Variants in CDC42EP4 observed in about 807,000 individuals in gnomAD.
The protein encoded by CDC42EP4 is CDC42 effector protein (Rho GTPase binding) 4.
Under a neutral mutation model 5.6 loss-of-function variants are expected in CDC42EP4, and 6 were observed. That is an observed-to-expected ratio of 1.07 (90% CI 0.59 to 2.12). CDC42EP4 has a LOEUF of 2.12. CDC42EP4 is among the 30% of genes most tolerant of loss of function. The probability of loss-of-function intolerance (pLI) is 0.00; values close to 1 mark genes in which losing one functional copy is unlikely to be tolerated. For synonymous variants in CDC42EP4, 230 were observed against 224.2 expected (o/e 1.03, Z -0.23); for missense variants, 490 against 508.6 (o/e 0.96, Z 0.35).
Position 73,285,300 on chromosome 17 carries a change from C to G in CDC42EP4, c.*130G>C. 1 of 722,058 alleles carries G rather than the reference C, an allele frequency of 1.4e-6. No homozygotes were observed. Among genetic ancestry groups the G allele is most frequent in the South Asian group, 2.2e-5 (1 of 45,262 alleles). The allele number at this position is 722,058 out of a possible 1,614,324, so 44.7% of individuals were successfully genotyped here. On this transcript the variant is annotated 3_prime_UTR_variant, in exon 2 of 2. Coordinates refer to ENST00000335793, the MANE Select transcript of CDC42EP4 (RefSeq NM_012121.5). The surrounding 1 kb of genome is among the most constrained non-coding windows in gnomAD (Gnocchi z 6.8). Reference sequence around the variant, plus strand: ...GGGCCAGGCCAGTGTCCCTCATCTACAAGGTCCAGGGTCCATGGTCTGAAT... The same window carrying G: ...GGGCCAGGCCAGTGTCCCTCATCTAGAAGGTCCAGGGTCCATGGTCTGAAT...
At position 73,285,133 on chromosome 17, in the gene CDC42EP4, G is replaced by GA; in HGVS notation, c.*296dup. On this transcript the variant is annotated 3_prime_UTR_variant, in exon 2 of 2. Coordinates refer to ENST00000335793, the MANE Select transcript of CDC42EP4 (RefSeq NM_012121.5). The surrounding 1 kb of genome is among the most constrained non-coding windows in gnomAD (Gnocchi z 6.8). ...GCATCCATTTGAGGCCAGGGTGGAG[G>GA]AAAGGGAGGCCAACAGAGGAAAACC... The GA allele has an allele frequency of 4.2e-6, 1 of 240,572 alleles. No individual in the cohort carries two copies. Among genetic ancestry groups the GA allele is most frequent in the Non-Finnish European group, 8.0e-6 (1 of 124,496 alleles). The allele number at this position is 240,572 out of a possible 1,614,324, so 14.9% of individuals were successfully genotyped here.
rs2062130819 is a variant in CDC42EP4 at position 73,285,983 on chromosome 17, T to C, written c.518A>G (p.His173Arg). 1 of 1,613,474 alleles carries C rather than the reference T, an allele frequency of 6.2e-7. No homozygotes were observed. The highest frequency in any genetic ancestry group is 8.5e-7 in the Non-Finnish European group (1 of 1,179,828). Residue 173 changes from histidine (H) to arginine (R), a missense_variant, in exon 2 of 2, where the codon CAT (histidine) becomes CGT (arginine). By Grantham distance (29) the His-to-Arg change is conservative. Transcript: ENST00000335793. This position sits in a 1 kb window ranked among gnomAD's most constrained non-coding sequence, Gnocchi z 6.8. The part of the protein sequence containing the change: ...VPRRNGAAGP[H>R]SPDPLLDEQA... ...CTCATCGAGGAGGGGGTCAGGGGAA[T>C]GTGGACCCGCGGCCCCATTCCGACG...
At chr17:73,310,089 C>T (rs2062265949) in intron 1 of CDC42EP4, 1 of 152,160 alleles carries the variant, frequency 6.6e-6, no homozygotes, top group African/African-American at 2.4e-5. Context: ...CCAGGAGCCC[C>T]TGGGGCTGCC....
At chr17:73,304,084 C>T (rs901078622) in intron 1 of CDC42EP4, among the ~76,000 whole-genome samples, 6 of 152,184 alleles carry the variant, frequency 3.9e-5, no homozygotes, top group Non-Finnish European at 8.8e-5. Flanking sequence ...GGAACCCACT[C>T]TAAGGAAATA....
intron 1 of CDC42EP4, among the ~76,000 whole-genome samples, chr17:73,299,764 G>T (rs762342800): frequency 6.6e-6 from 1 of 152,060 alleles, no homozygotes; most frequent in African/African-American, 2.4e-5. Flanking sequence ...TCTGGGAGCC[G>T]GTTAACCTAA....
In CDC42EP4 at chr17:73,308,115, C is replaced by G. The variant is rs577528093; in HGVS notation, c.-113+3778G>C. Among the ~76,000 whole-genome samples the G allele has an allele frequency of 6.6e-5, 10 of 152,276 alleles. No individual in the cohort carries two copies. In the South Asian group the frequency reaches 1.4e-3, roughly 22 times the overall value. ...TCCAGTGCCACATGCGGGCTCCTTC[C>G]AGCACTACCATCCAGTTCCCTGCCG... On this transcript the variant is annotated intron_variant, in intron 1 of 1. Transcript: ENST00000335793.
At chr17:73,296,436 A>G (rs2062186240) in intron 1 of CDC42EP4, among the ~76,000 whole-genome samples, 1 of 148,132 alleles carries the variant, frequency 6.8e-6, no homozygotes, top group African/African-American at 2.5e-5. Context: ...AAAAAAAAAA[A>G]GACTGGAGAC....
intron 1 of CDC42EP4, among the ~76,000 whole-genome samples, chr17:73,298,734 TC>T (rs2062201283): frequency 6.6e-6 from 1 of 152,050 alleles, no homozygotes; most frequent in South Asian, 2.1e-4. Context: ...AGAAACAGGC[TC>T]CCTAATCCCC....
chr17:73,303,738 A>G (rs1337460092), intron 1 of CDC42EP4, among the ~76,000 whole-genome samples: 4 of 152,014 alleles, frequency 2.6e-5, no homozygotes, highest in East Asian at 1.9e-4. Context: ...ATAAAATTCC[A>G]TATGTGACTA....
chr17:73,296,294 T>C (rs1476420837), intron 1 of CDC42EP4, among the ~76,000 whole-genome samples: 1 of 151,124 alleles, frequency 6.6e-6, no homozygotes, highest in African/African-American at 2.4e-5. Context: ...GGTGTGCGCC[T>C]GTAATCCCAG....
chr17:73,283,913 T>C lies in CDC42EP4; in HGVS notation c.*1517A>G, dbSNP rs6905. 1 of 151,970 alleles carries C rather than the reference T, an allele frequency of 6.6e-6. No individual in the cohort carries two copies. The highest frequency in any genetic ancestry group is 1.5e-5 in the Non-Finnish European group (1 of 68,042). The allele number at this position is 151,970 out of a possible 1,614,324, so 9.4% of individuals were successfully genotyped here. ...CCATGGGGACGCCCCTGGCTGTGGTTGGTTCTGTGTCTCCCCCTCCCCTCA... is the reference window on the plus strand; with the variant it reads ...CCATGGGGACGCCCCTGGCTGTGGTCGGTTCTGTGTCTCCCCCTCCCCTCA... On this transcript the variant is annotated 3_prime_UTR_variant, in exon 2 of 2. Coordinates refer to ENST00000335793, the MANE Select transcript of CDC42EP4 (RefSeq NM_012121.5).
At position 73,286,181 on chromosome 17, in the gene CDC42EP4, C is replaced by T. The variant is rs764963341; in HGVS notation, c.320G>A (p.Arg107Gln). Residue 107 changes from arginine to glutamine, a missense_variant, in exon 2 of 2, where the codon CGG becomes CAG. By Grantham distance (43) the Arg-to-Gln change is conservative. Coordinates refer to ENST00000335793, the MANE Select transcript of CDC42EP4 (RefSeq NM_012121.5). This position sits in a 1 kb window ranked among gnomAD's most constrained non-coding sequence, Gnocchi z 7.7. The part of the protein sequence containing the change: ...REQRDMLGSL[R>Q]DSALFVKNAM... The stretch of plus-strand genomic sequence containing the variant: ...ATTCTTGACAAACAGGGCCGAGTCC[C>T]GCAGGGAGCCCAGCATGTCACGCTG... The T allele has an allele frequency of 9.3e-6, 15 of 1,613,972 alleles. No individual in the cohort carries two copies. The highest frequency in any genetic ancestry group is 4.5e-5 in the East Asian group (2 of 44,888).
rs2062123765 is a variant in CDC42EP4 at position 73,285,107 on chromosome 17, G to T, written c.*323C>A. 5.0e-6 allele frequency: 1 copy of T among 199,192 alleles called. No homozygotes were observed. Among genetic ancestry groups the T allele is most frequent in the Admixed American group, 5.7e-5 (1 of 17,570 alleles). 12.3% of individuals were successfully genotyped at this position (199,192 alleles called of 1,614,324 possible). A position where few individuals can be genotyped will look rare whatever the true frequency, so the allele number is the denominator to read the frequency against. On this transcript the variant is annotated 3_prime_UTR_variant, in exon 2 of 2. Coordinates refer to ENST00000335793, the MANE Select transcript of CDC42EP4 (RefSeq NM_012121.5). The surrounding 1 kb of genome is among the most constrained non-coding windows in gnomAD (Gnocchi z 6.8). ...GTGGCCAGAACTGGGGTTGGCATCTGGCATCCATTTGAGGCCAGGGTGGAG... is the reference window on the plus strand; with the variant it reads ...GTGGCCAGAACTGGGGTTGGCATCTTGCATCCATTTGAGGCCAGGGTGGAG...
intron 1 of CDC42EP4, among the ~76,000 whole-genome samples, chr17:73,305,677 A>G (rs2062241404): frequency 6.6e-6 from 1 of 152,126 alleles, no homozygotes; most frequent in Admixed American, 6.5e-5. Context: ...AGAACAATTG[A>G]TAACATTACA....
chr17:73,307,760 CTT>C (rs539543636), intron 1 of CDC42EP4, among the ~76,000 whole-genome samples: 35,244 of 106,458 alleles, frequency 0.33, 4,735 homozygotes, highest in East Asian at 0.41. Context: ...GAATTTCTCT[CTT>C]TTTTTTTTTT....
chr17:73,288,250 C>G (rs2062143844), intron 1 of CDC42EP4, among the ~76,000 whole-genome samples: 1 of 152,106 alleles, frequency 6.6e-6, no homozygotes, highest in South Asian at 2.1e-4. Context: ...GTACAAACTT[C>G]TAGGGTTTTG....
intron 1 of CDC42EP4, among the ~76,000 whole-genome samples, chr17:73,293,045 A>G (rs1472319302): frequency 6.6e-6 from 1 of 152,026 alleles, no homozygotes; most frequent in Admixed American, 6.6e-5. Context: ...ATGGGGTTTC[A>G]CCACGTCGGC....
intron 1 of CDC42EP4, among the ~76,000 whole-genome samples, chr17:73,294,135 G>A (rs191097146): frequency 1.4e-4 from 21 of 152,190 alleles, no homozygotes; most frequent in Admixed American, 1.2e-3. Context: ...TGGATCTCCT[G>A]AGGTCAGGAG....
chr17:73,301,302 A>G (rs984438452), intron 1 of CDC42EP4, among the ~76,000 whole-genome samples: 1 of 152,228 alleles, frequency 6.6e-6, no homozygotes, highest in African/African-American at 2.4e-5. Context: ...CTTCTATTGG[A>G]GAGCAATAAT....
Sources: gnomAD v4.1 joint callset for allele counts (sites outside exome capture counted in the v4.1 genomes callset) on GRCh38, gnomAD v4.1.1 for gene constraint, Gnocchi (gnomAD v3.1) non-coding constraint, MANE v1.5 for transcripts, NCBI Gene and HGNC (gene_info 2026-07-23, HGNC 2026-07-21) for gene names.